The following SUPT3H variants were observed in gnomAD, a reference collection of about 807,000 sequenced individuals.
SUPT3H encodes the protein transcription initiation protein SPT3 homolog.
A neutral mutation model predicts 44.3 loss-of-function variants in SUPT3H; 44 were observed. The observed-to-expected ratio is 0.99, with a 90% CI of 0.78 to 1.28. The LOEUF (loss-of-function observed/expected upper bound fraction) is 1.28, where lower values mean the gene tolerates loss of function less well. Ranked by LOEUF, SUPT3H falls within the 50% of genes most tolerant of loss-of-function variation. SUPT3H has a pLI of 0.00. For synonymous variants in SUPT3H, 124 were observed against 125.6 expected (o/e 0.99, Z 0.09); for missense variants, 380 against 387.1 (o/e 0.98, Z 0.15).
intron 6 of SUPT3H, among the ~76,000 whole-genome samples, chr6:44,999,378 A>T (rs890112153): frequency 6.6e-6 from 1 of 151,974 alleles, no homozygotes; most frequent in African/African-American, 2.4e-5. Flanking sequence ...CTACAGGCGT[A>T]CACCACCACG....
At chr6:45,026,058 A>G (rs1226186861) in intron 3 of SUPT3H, among the ~76,000 whole-genome samples, 1 of 152,172 alleles carries the variant, frequency 6.6e-6, no homozygotes, top group African/African-American at 2.4e-5. Flanking sequence ...GTGGTGAGCT[A>G]GTATCATGAA....
chr6:44,950,863 T>C (rs970624575), intron 9 of SUPT3H, among the ~76,000 whole-genome samples: 3 of 148,838 alleles, frequency 2.0e-5, no homozygotes, highest in African/African-American at 7.5e-5. Context: ...TTTTATTTTT[T>C]ATTATACTTT....
rs148764390 is a variant in SUPT3H, at chr6:45,321,939, A to C, written c.101+43262T>G. The C allele has an allele frequency of 1.3e-4, 136 of 1,052,146 alleles. 1 individual carries two copies. In the East Asian group the frequency reaches 3.2e-3, roughly 25 times the overall value. The allele number at this position is 1,052,146 out of a possible 1,614,324, so 65.2% of individuals were successfully genotyped here. ...ACCTTAGATGGTTAAAACATATTAT[A>C]AATAAATACCTAAGAAATATTCATT... On this transcript the variant is annotated intron_variant, in intron 2 of 10. Coordinates refer to ENST00000371459, the MANE Select transcript of SUPT3H (RefSeq NM_003599.4).
rs558016868 is a variant in SUPT3H at position 45,302,823 on chromosome 6, C to A, written c.101+62378G>T. On this transcript the variant is annotated intron_variant, in intron 2 of 10. Coordinates refer to ENST00000371459, the MANE Select transcript of SUPT3H (RefSeq NM_003599.4). Reference sequence around the variant, plus strand: ...CCCAACAGCAGTATATAAGTGTTGCCTTTTCACCACATCCATGGCACCATC... The same window carrying A: ...CCCAACAGCAGTATATAAGTGTTGCATTTTCACCACATCCATGGCACCATC... 4.6e-4 allele frequency among the ~76,000 whole-genome samples: 70 copies of A among 152,118 alleles called. No homozygotes were observed. The South Asian group carries it at 7.5e-3, about 16-fold the overall frequency.
In SUPT3H at chr6:45,122,788, T is replaced by C. The variant is rs1255861004; in HGVS notation, c.102-16782A>G. 3.3e-5 allele frequency among the ~76,000 whole-genome samples: 5 copies of C among 152,202 alleles called. No individual in the cohort carries two copies. In the East Asian group the frequency reaches 9.6e-4, roughly 29 times the overall value. ...ATGTCTATTTTCTAAGTTTATATCA[T>C]ACTGAAAACTGTGCTTGCAGACCCC... is the stretch of plus-strand genomic sequence containing the variant. On this transcript the variant is annotated intron_variant, in intron 2 of 10. Transcript: ENST00000371459.
At chr6:45,141,275 G>A (rs529628649) in intron 2 of SUPT3H, among the ~76,000 whole-genome samples, 4 of 140,056 alleles carry the variant, frequency 2.9e-5, no homozygotes, top group Non-Finnish European at 6.0e-5. Context: ...GGGAGGCGAA[G>A]GTTGCAGTGA....
chr6:44,905,424 CA>C (rs138774150), intron 10 of SUPT3H, among the ~76,000 whole-genome samples: 60,853 of 148,058 alleles, frequency 0.41, 12,873 homozygotes, highest in East Asian at 0.69. Context: ...AAAAAATGCT[CA>C]TCATCACTGG....
At chr6:44,921,709 G>C (rs1447559015) in intron 10 of SUPT3H, among the ~76,000 whole-genome samples, 1 of 152,104 alleles carries the variant, frequency 6.6e-6, no homozygotes, top group East Asian at 1.9e-4. Context: ...GGTTAGATCA[G>C]GAATATAGAG....
At chr6:44,953,657 T>G (rs1158646430) in intron 8 of SUPT3H, among the ~76,000 whole-genome samples, 1 of 152,210 alleles carries the variant, frequency 6.6e-6, no homozygotes, top group Non-Finnish European at 1.5e-5. Flanking sequence ...TGCAAATTTC[T>G]GGGCTTTAAG....
At chr6:44,877,468 C>A (rs1383538883) in intron 10 of SUPT3H, among the ~76,000 whole-genome samples, 931 of 122,176 alleles carry the variant, frequency 7.6e-3, no homozygotes, top group African/African-American at 0.011. Context: ...GACTCAGTCT[C>A]AAAAAAAAAA....
rs1798120596 is a variant in SUPT3H, at chr6:45,098,587, C to G, written c.186+7335G>C. 1.2e-5 allele frequency: 4 copies of G among 330,430 alleles called. No homozygotes were observed. In the South Asian group the frequency reaches 1.2e-4, roughly 10 times the overall value. The allele number at this position is 330,430 out of a possible 1,614,324, so 20.5% of individuals were successfully genotyped here. A position where few individuals can be genotyped will look rare whatever the true frequency, so the allele number is the denominator to read the frequency against. On this transcript the variant is annotated intron_variant, in intron 3 of 10. Coordinates refer to ENST00000371459, the MANE Select transcript of SUPT3H (RefSeq NM_003599.4). ...TGCAGACATGAGAAGCCTATAGATCCAGATGATCCCCTTGCCAATCAGAAT... is the reference window on the plus strand; with the variant it reads ...TGCAGACATGAGAAGCCTATAGATCGAGATGATCCCCTTGCCAATCAGAAT...
intron 5 of SUPT3H, among the ~76,000 whole-genome samples, chr6:45,010,932 T>C (rs942134319): frequency 1.3e-5 from 2 of 152,102 alleles, no homozygotes; most frequent in African/African-American, 4.8e-5. Context: ...TTAAACACTT[T>C]TGGAATTTTG....
chr6:45,004,532 T>C (rs913493629), intron 5 of SUPT3H, among the ~76,000 whole-genome samples: 13 of 151,904 alleles, frequency 8.6e-5, no homozygotes, highest in Non-Finnish European at 1.8e-4. Flanking sequence ...TCTTTTAAAT[T>C]TTTAAATCAA....
At chr6:45,027,243 G>A (rs898725832) in intron 3 of SUPT3H, among the ~76,000 whole-genome samples, 2 of 151,930 alleles carry the variant, frequency 1.3e-5, no homozygotes, top group African/African-American at 4.8e-5. Flanking sequence ...TGCCCACTTT[G>A]GTGTCCCAAA....
chr6:45,146,789 A>G (rs1806154268), intron 2 of SUPT3H, among the ~76,000 whole-genome samples: 1 of 152,074 alleles, frequency 6.6e-6, no homozygotes, highest in Non-Finnish European at 1.5e-5. Flanking sequence ...GTAAGTGGTA[A>G]GATTTTCTTT....
intron 6 of SUPT3H, among the ~76,000 whole-genome samples, chr6:44,968,824 C>G (rs1401499518): frequency 6.6e-6 from 1 of 152,170 alleles, no homozygotes; most frequent in Non-Finnish European, 1.5e-5. Context: ...AGCACTGCAT[C>G]AAATTTAAGC....
At chr6:44,966,926 G>C (rs1184666666) in intron 6 of SUPT3H, among the ~76,000 whole-genome samples, 1 of 152,138 alleles carries the variant, frequency 6.6e-6, no homozygotes, top group African/African-American at 2.4e-5. Flanking sequence ...CCACATGAAT[G>C]TAAGGTCATC....
chr6:45,280,403 G>A (rs1420181872), intron 2 of SUPT3H, among the ~76,000 whole-genome samples: 2 of 151,958 alleles, frequency 1.3e-5, no homozygotes, highest in African/African-American at 2.4e-5. Flanking sequence ...CTACTCGGGG[G>A]GCTGACACAG....
chr6:45,015,884 TG>T (rs1784187248), intron 4 of SUPT3H, among the ~76,000 whole-genome samples: 1 of 151,932 alleles, frequency 6.6e-6, no homozygotes, highest in South Asian at 2.1e-4. Flanking sequence ...CCTGTCCCAC[TG>T]GAAGGTCTTC....
Sources: allele counts gnomAD v4.1 joint callset (sites outside exome capture counted in the v4.1 genomes callset), GRCh38; gene constraint gnomAD v4.1.1; transcripts MANE v1.5; gene names NCBI Gene and HGNC (gene_info 2026-07-23, HGNC 2026-07-21).